SH3PXD2A: variants seen among roughly 807,000 people sequenced by gnomAD.
SH3PXD2A encodes SH3 and PX domains 2A.
SH3PXD2A carries 32 observed loss-of-function variants against 115.2 expected under a neutral mutation model. That is an observed-to-expected ratio of 0.28 (90% CI 0.21 to 0.37). The LOEUF (loss-of-function observed/expected upper bound fraction) is 0.37, where lower values mean the gene tolerates loss of function less well. SH3PXD2A is among the 10% of genes least tolerant of loss of function. SH3PXD2A has a pLI of 1.00. For missense variants in SH3PXD2A, 1,328 were observed against 1,498.7 expected, an observed-to-expected ratio of 0.89 and a Z score of 1.88; for synonymous variants, 610 against 629.1, an observed-to-expected ratio of 0.97 and a Z score of 0.45.
chr10:103,795,950 GGAAGGAAA>G, intron 2 of SH3PXD2A, among the ~76,000 whole-genome samples: 1 of 147,740 alleles, frequency 6.8e-6, no homozygotes, highest in African/African-American at 2.5e-5. Flanking sequence ...AAGGAAGGAA[GGAAGGAAA>G]CCAGAGACAT....
intron 1 of SH3PXD2A, among the ~76,000 whole-genome samples, chr10:103,822,700 C>T (rs527970235): frequency 6.6e-6 from 1 of 152,316 alleles, no homozygotes; most frequent in Admixed American, 6.5e-5. Context: ...CCACCAAGCC[C>T]CCTTAGAGAA....
intron 3 of SH3PXD2A, among the ~76,000 whole-genome samples, chr10:103,763,336 G>A (rs929144444): frequency 6.6e-5 from 10 of 152,178 alleles, no homozygotes; most frequent in African/African-American, 2.4e-4. Context: ...CAACAGAAAT[G>A]CTCAGCACAT....
At chr10:103,662,341 CGGGG>C (rs1196791691) in intron 7 of SH3PXD2A, among the ~76,000 whole-genome samples, 984 of 10,608 alleles carry the variant, frequency 0.093, 48 homozygotes, top group African/African-American at 0.24. Flanking sequence ...CCATTATTGG[CGGGG>C]GGGGGGGCGG....
At chr10:103,822,421 C>A (rs2039390151) in intron 1 of SH3PXD2A, among the ~76,000 whole-genome samples, 1 of 152,272 alleles carries the variant, frequency 6.6e-6, no homozygotes, top group Admixed American at 6.5e-5. Context: ...CACACAGCTG[C>A]ACACATACAC....
rs1267050409 is a variant in SH3PXD2A, at chr10:103,594,646, GA to G, written c.*7169del. 1 of 152,226 alleles carries G rather than the reference GA, an allele frequency of 6.6e-6. No individual in the cohort carries two copies. The highest frequency in any genetic ancestry group is 1.9e-4 in the East Asian group (1 of 5,202). The allele number at this position is 152,226 out of a possible 1,614,324, so 9.4% of individuals were successfully genotyped here. On this transcript the variant is annotated 3_prime_UTR_variant, in exon 15 of 15. Coordinates refer to ENST00000369774, the MANE Select transcript of SH3PXD2A (RefSeq NM_001394015.1). ...TCCCATCCTGTGTCTTGGATTTAAA[GA>G]AAACCTGTTGCAGATAATGAGTTGT... is the stretch of plus-strand genomic sequence containing the variant.
At chr10:103,825,853 T>G (rs1023252587) in intron 1 of SH3PXD2A, among the ~76,000 whole-genome samples, 65 of 143,702 alleles carry the variant, frequency 4.5e-4, no homozygotes, top group Middle Eastern at 3.9e-3. Context: ...AAGCTCCACC[T>G]CCCGGGTTCT....
At chr10:103,681,859 G>A (rs559536719) in intron 6 of SH3PXD2A, among the ~76,000 whole-genome samples, 1 of 152,300 alleles carries the variant, frequency 6.6e-6, no homozygotes, top group South Asian at 2.1e-4. Flanking sequence ...TGGACTGCTT[G>A]AGGAGCTTGG....
chr10:103,777,360 C>G (rs1210255125), intron 2 of SH3PXD2A, among the ~76,000 whole-genome samples: 1 of 152,240 alleles, frequency 6.6e-6, no homozygotes, highest in African/African-American at 2.4e-5. Context: ...GTGGATGGGT[C>G]TGGGAGGCGT....
At chr10:103,761,057 A>G (rs2038695037) in intron 3 of SH3PXD2A, among the ~76,000 whole-genome samples, 1 of 152,228 alleles carries the variant, frequency 6.6e-6, no homozygotes, top group Non-Finnish European at 1.5e-5. Flanking sequence ...CTGGGAGTAC[A>G]GTTTCTCAGG....
intron 5 of SH3PXD2A, among the ~76,000 whole-genome samples, chr10:103,710,861 C>A (rs955661213): frequency 6.6e-6 from 1 of 151,940 alleles, no homozygotes; most frequent in Non-Finnish European, 1.5e-5. Context: ...CATAGCAAGA[C>A]CCAATGTCTA....
At chr10:103,656,514 A>G (rs2037214286) in intron 8 of SH3PXD2A, among the ~76,000 whole-genome samples, 1 of 152,334 alleles carries the variant, frequency 6.6e-6, no homozygotes, top group South Asian at 2.1e-4. Context: ...GTCTACAGTT[A>G]GAAGAGCATA....
At chr10:103,738,311 T>G (rs2038404327) in intron 3 of SH3PXD2A, among the ~76,000 whole-genome samples, 1 of 152,202 alleles carries the variant, frequency 6.6e-6, no homozygotes, top group East Asian at 1.9e-4. Flanking sequence ...CTACCCTTTT[T>G]TGGTTGCCTG....
chr10:103,629,453 A>T (rs563079472), intron 8 of SH3PXD2A, among the ~76,000 whole-genome samples: 78 of 152,292 alleles, frequency 5.1e-4, no homozygotes, highest in African/African-American at 1.8e-3. Flanking sequence ...GTGGCTTGTA[A>T]TTATGGGAAC....
intron 5 of SH3PXD2A, 70 bp from the exon 6 acceptor site, chr10:103,693,126 G>T (rs1181675902): frequency 7.3e-7 from 1 of 1,362,300 alleles, no homozygotes. Context: ...AGCTGCAGGG[G>T]CGCCCTCGGG....
chr10:103,744,601 G>A (rs2038480301), intron 3 of SH3PXD2A, among the ~76,000 whole-genome samples: 1 of 152,174 alleles, frequency 6.6e-6, no homozygotes, highest in Non-Finnish European at 1.5e-5. Flanking sequence ...CTACAGCCTT[G>A]TACCTGGCTC....
intron 1 of SH3PXD2A, among the ~76,000 whole-genome samples, chr10:103,807,921 T>A (rs1311447821): frequency 6.6e-6 from 1 of 152,216 alleles, no homozygotes; most frequent in Non-Finnish European, 1.5e-5. Flanking sequence ...TCTGGCTTCC[T>A]GGTGGAGTTC....
chr10:103,742,301 C>T (rs567979525), intron 3 of SH3PXD2A, among the ~76,000 whole-genome samples: 1 of 152,294 alleles, frequency 6.6e-6, no homozygotes, highest in Admixed American at 6.5e-5. Flanking sequence ...CATCTCTTGG[C>T]TCGTGGCAGC....
intron 5 of SH3PXD2A, among the ~76,000 whole-genome samples, chr10:103,703,173 G>C (rs1228308118): frequency 6.6e-6 from 1 of 152,148 alleles, no homozygotes; most frequent in Non-Finnish European, 1.5e-5. Context: ...AGGACTCGGA[G>C]GGCCCCACAC....
At chr10:103,623,465 C>T (rs1425898832) in intron 9 of SH3PXD2A, among the ~76,000 whole-genome samples, 1 of 152,182 alleles carries the variant, frequency 6.6e-6, no homozygotes, top group Non-Finnish European at 1.5e-5. Context: ...CAGCTGGCCT[C>T]ACTTCCTGCC....
Sources: gnomAD v4.1 joint callset for allele counts (sites outside exome capture counted in the v4.1 genomes callset) on GRCh38, gnomAD v4.1.1 for gene constraint, MANE v1.5 for transcripts, NCBI Gene and HGNC (gene_info 2026-07-23, HGNC 2026-07-21) for gene names.